Variants in PLA2G4A observed in about 807,000 individuals in gnomAD.
PLA2G4A encodes cytosolic phospholipase A2.
PLA2G4A carries 40 observed loss-of-function variants against 81.9 expected under a neutral mutation model. That is an observed-to-expected ratio of 0.49 (90% CI 0.38 to 0.64). PLA2G4A has a LOEUF of 0.64. Ranked by LOEUF, PLA2G4A falls within the 30% of genes least tolerant of loss-of-function variation. The probability of loss-of-function intolerance (pLI) is 0.00; values close to 1 mark genes in which losing one functional copy is unlikely to be tolerated. For synonymous variants in PLA2G4A, 302 were observed against 296.9 expected, an observed-to-expected ratio of 1.02 and a Z score of -0.18; for missense variants, 715 against 905.1, an observed-to-expected ratio of 0.79 and a Z score of 2.69.
intron 15 of PLA2G4A, among the ~76,000 whole-genome samples, chr1:186,976,198 C>G (rs1022953887): frequency 6.6e-6 from 1 of 152,190 alleles, no homozygotes; most frequent in African/African-American, 2.4e-5. Flanking sequence ...TATGTCCCCA[C>G]TTCTAACATG....
intron 6 of PLA2G4A, 134 bp from the exon 7 acceptor site, chr1:186,911,114 C>T (rs768498894): frequency 7.8e-6 from 6 of 771,960 alleles, no homozygotes; most frequent in Admixed American, 7.2e-5. Context: ...TTTTAGGTCC[C>T]TTCTTAGGAA....
At chr1:186,871,561 A>T (rs906520928) in intron 3 of PLA2G4A, among the ~76,000 whole-genome samples, 25 of 152,142 alleles carry the variant, frequency 1.6e-4, no homozygotes, top group African/African-American at 5.8e-4. Context: ...GAGAGCAAGA[A>T]GTCCTAGGCA....
At chr1:186,979,510 C>T (rs1460154950) in intron 17 of PLA2G4A, 38 bp downstream of exon 17, 1 of 1,329,084 alleles carries the variant, frequency 7.5e-7, no homozygotes, top group South Asian at 1.2e-5. Flanking sequence ...TGTCAAATGA[C>T]TTCCATACCG....
chr1:186,842,608 T>C (rs1210468972), intron 1 of PLA2G4A, among the ~76,000 whole-genome samples: 2 of 152,182 alleles, frequency 1.3e-5, no homozygotes, highest in African/African-American at 4.8e-5. Flanking sequence ...TAATCCAATT[T>C]GACTAGTGTC....
At chr1:186,873,675 T>C (rs1250726595) in intron 3 of PLA2G4A, among the ~76,000 whole-genome samples, 2 of 152,128 alleles carry the variant, frequency 1.3e-5, no homozygotes, top group African/African-American at 4.8e-5. Context: ...TAAATCATGC[T>C]ACCCTAACTA....
intron 2 of PLA2G4A, among the ~76,000 whole-genome samples, chr1:186,857,180 G>GA (rs1652604197): frequency 3.6e-5 from 2 of 56,238 alleles, no homozygotes; most frequent in South Asian, 4.8e-4. Context: ...TATATAATAT[G>GA]TCTGCCATGT....
At chr1:186,871,521 T>G (rs1469822966) in intron 3 of PLA2G4A, among the ~76,000 whole-genome samples, 1 of 152,094 alleles carries the variant, frequency 6.6e-6, no homozygotes, top group Non-Finnish European at 1.5e-5. Context: ...ACATTTAAAC[T>G]GGTACCTAAA....
intron 14 of PLA2G4A, among the ~76,000 whole-genome samples, chr1:186,957,527 C>G (rs1426697119): frequency 6.6e-6 from 1 of 152,184 alleles, no homozygotes; most frequent in Non-Finnish European, 1.5e-5. Context: ...TGGCAGAGGC[C>G]AGGTCTCAGG....
Position 186,870,526 on chromosome 1 carries a change from C to T in PLA2G4A, c.115+10C>T. 1 of 1,576,966 alleles carries T rather than the reference C, an allele frequency of 6.3e-7. No homozygotes were observed. The highest frequency in any genetic ancestry group is 8.7e-7 in the Non-Finnish European group (1 of 1,146,920). ...GCCTTTGGTGACATGCGTAAGTGCC[C>T]TTTTTTTCTTTGCTGTTAAACATGT... On this transcript the variant is annotated intron_variant, in intron 3 of 17. Coordinates refer to ENST00000367466, the MANE Select transcript of PLA2G4A (RefSeq NM_024420.3).
intron 1 of PLA2G4A, among the ~76,000 whole-genome samples, chr1:186,838,704 T>C (rs1439994951): frequency 1.3e-5 from 2 of 152,188 alleles, no homozygotes; most frequent in African/African-American, 4.8e-5. Flanking sequence ...ACTGTTTGCC[T>C]CCCTGCTTTT....
chr1:186,839,018 G>A (rs1021538920), intron 1 of PLA2G4A, among the ~76,000 whole-genome samples: 1 of 151,802 alleles, frequency 6.6e-6, no homozygotes, highest in Non-Finnish European at 1.5e-5. Context: ...TCTTTTCAAC[G>A]ACCAAAATAA....
At position 186,968,400 on chromosome 1, in the gene PLA2G4A, ATGTGTG is replaced by A. The variant is rs58475951; in HGVS notation, c.1764+2835_1764+2840del. On this transcript the variant is annotated intron_variant, in intron 15 of 17. Coordinates refer to ENST00000367466, the MANE Select transcript of PLA2G4A (RefSeq NM_024420.3). Reference sequence around the variant, plus strand: ...CTTCTAGTCTCTTTTCGCGGTGTGTATGTGTGTGTGTGTGTGTGTGTGTGTGTGTGT... The same window carrying A: ...CTTCTAGTCTCTTTTCGCGGTGTGTATGTGTGTGTGTGTGTGTGTGTGTGT... Among the ~76,000 whole-genome samples the A allele has an allele frequency of 9.5e-5, 13 of 137,498 alleles. No homozygotes were observed. In the East Asian group the frequency reaches 1.9e-3, roughly 20 times the overall value. 90.2% of individuals were successfully genotyped at this position (137,498 alleles called of 152,430 possible).
chr1:186,973,021 G>A (rs985278338), intron 15 of PLA2G4A, among the ~76,000 whole-genome samples: 1 of 152,196 alleles, frequency 6.6e-6, no homozygotes, highest in East Asian at 1.9e-4. Flanking sequence ...AGCTTTGTGG[G>A]CACCAATCCA....
At chr1:186,875,517 T>C (rs1182113573) in intron 3 of PLA2G4A, among the ~76,000 whole-genome samples, 2 of 152,074 alleles carry the variant, frequency 1.3e-5, no homozygotes, top group Admixed American at 6.6e-5. Flanking sequence ...AAAGTCACAG[T>C]GCTCACTTCA....
At chr1:186,897,876 T>C (rs1654392347) in intron 5 of PLA2G4A, among the ~76,000 whole-genome samples, 1 of 152,170 alleles carries the variant, frequency 6.6e-6, no homozygotes, top group South Asian at 2.1e-4. Flanking sequence ...TGTTGCATGA[T>C]ACTAAGGTTT....
At chr1:186,930,255 T>C (rs1238327845) in intron 7 of PLA2G4A, among the ~76,000 whole-genome samples, 1 of 152,172 alleles carries the variant, frequency 6.6e-6, no homozygotes, top group African/African-American at 2.4e-5. Context: ...TATCTGAACA[T>C]TTTCCTTCCC....
intron 12 of PLA2G4A, among the ~76,000 whole-genome samples, chr1:186,947,755 C>A (rs1459927984): frequency 6.6e-6 from 1 of 152,164 alleles, no homozygotes; most frequent in Non-Finnish European, 1.5e-5. Flanking sequence ...GCCATAACAG[C>A]AGGGACCTGG....
intron 14 of PLA2G4A, 85 bp downstream of exon 14, chr1:186,956,429 CACTT>C: frequency 8.5e-7 from 1 of 1,174,070 alleles, no homozygotes; most frequent in African/African-American, 1.5e-5. Context: ...TTATTATTAA[CACTT>C]ACTCATTTAT....
chr1:186,909,670 A>C (rs948875666), intron 6 of PLA2G4A, among the ~76,000 whole-genome samples: 1 of 151,748 alleles, frequency 6.6e-6, no homozygotes, highest in African/African-American at 2.4e-5. Flanking sequence ...CAAAAAAAAA[A>C]AAAAAAAAAA....
Sources: gnomAD v4.1 joint callset for allele counts (sites outside exome capture counted in the v4.1 genomes callset) on GRCh38, gnomAD v4.1.1 for gene constraint, MANE v1.5 for transcripts, NCBI Gene and HGNC (gene_info 2026-07-23, HGNC 2026-07-21) for gene names.